Variants in WWC1 observed in about 807,000 individuals in gnomAD.
WWC1 encodes protein KIBRA.
In WWC1, 55 loss-of-function variants were observed where a neutral mutation model predicts 138.4. The observed-to-expected ratio is 0.40, with a 90% CI of 0.32 to 0.50. The LOEUF (loss-of-function observed/expected upper bound fraction) is 0.50. Ranked by LOEUF, WWC1 falls within the 20% of genes least tolerant of loss-of-function variation. The pLI, the probability that WWC1 is intolerant of heterozygous loss-of-function variation, is 0.72. For synonymous variants in WWC1, 524 were observed against 564.9 expected (o/e 0.93, Z 1.03); for missense variants, 1,226 against 1,420.4 (o/e 0.86, Z 2.20).
In WWC1 at chr5:168,428,736, A is replaced by T. The variant is rs147028251; in HGVS notation, c.1949A>T (p.Asp650Val). ...RLGASEAAAF[D>V]SDESEAVGAT... Reference sequence around the variant, plus strand: ...GGTGCTTCAGAAGCTGCTGCATTTGACAGTGACGAATCGGAAGCAGTGGGT... The same window carrying T: ...GGTGCTTCAGAAGCTGCTGCATTTGTCAGTGACGAATCGGAAGCAGTGGGT... Residue 650 changes from aspartate to valine, a missense_variant, in exon 13 of 23, where the codon GAC becomes GTC. Asp to Val is a radical substitution (Grantham distance 152). Coordinates refer to ENST00000265293, the MANE Select transcript of WWC1 (RefSeq NM_015238.3). 2.1e-4 allele frequency: 343 copies of T among 1,613,950 alleles called. No homozygotes were observed. The highest frequency in any genetic ancestry group is 4.3e-4 in the Admixed American group (26 of 60,002).
At chr5:168,345,609 T>C (rs890910805) in intron 1 of WWC1, among the ~76,000 whole-genome samples, 1 of 152,238 alleles carries the variant, frequency 6.6e-6, no homozygotes, top group Non-Finnish European at 1.5e-5. Flanking sequence ...TGCATTGCTT[T>C]GTCAGATGCT....
At chr5:168,368,168 G>A (rs1030820687) in intron 1 of WWC1, among the ~76,000 whole-genome samples, 1 of 143,478 alleles carries the variant, frequency 7.0e-6, no homozygotes, top group Admixed American at 7.5e-5. Context: ...TCGGCTCATC[G>A]CAACCTCCAC....
At chr5:168,327,773 T>C (rs188284594) in intron 1 of WWC1, among the ~76,000 whole-genome samples, 111 of 152,316 alleles carry the variant, frequency 7.3e-4, no homozygotes, top group Non-Finnish European at 1.2e-3. Flanking sequence ...TAGCATTAAG[T>C]TGGCTGCTGT....
intron 20 of WWC1, 34 bp from the exon 21 acceptor site, chr5:168,464,695 C>T (rs1757103821): frequency 6.2e-7 from 1 of 1,613,272 alleles, no homozygotes; most frequent in African/African-American, 1.3e-5. Flanking sequence ...GGGCAGAGCT[C>T]TAATAACAAG....
At chr5:168,380,957 T>C (rs1387468147) in intron 2 of WWC1, among the ~76,000 whole-genome samples, 2 of 151,164 alleles carry the variant, frequency 1.3e-5, no homozygotes, top group African/African-American at 4.9e-5. Flanking sequence ...GGAGAGGGGG[T>C]GAGTAGAGGA....
chr5:168,396,549 C>A (rs1561703473), intron 3 of WWC1, among the ~76,000 whole-genome samples: 1 of 152,238 alleles, frequency 6.6e-6, no homozygotes, highest in African/African-American at 2.4e-5. Flanking sequence ...TCTGGCCTCC[C>A]GACCAAGAAT....
At chr5:168,349,591 A>G (rs1291232532) in intron 1 of WWC1, among the ~76,000 whole-genome samples, 1 of 152,178 alleles carries the variant, frequency 6.6e-6, no homozygotes, top group Non-Finnish European at 1.5e-5. Context: ...AAGGGCACAC[A>G]GTCGGTAAGT....
At chr5:168,308,114 G>A (rs969846954) in intron 1 of WWC1, among the ~76,000 whole-genome samples, 1 of 152,184 alleles carries the variant, frequency 6.6e-6, no homozygotes, top group Non-Finnish European at 1.5e-5. Flanking sequence ...TAGAAGTCAA[G>A]TGGGTCTTCA....
At chr5:168,407,285 A>G (rs886671697) in intron 6 of WWC1, among the ~76,000 whole-genome samples, 1 of 152,088 alleles carries the variant, frequency 6.6e-6, no homozygotes, top group African/African-American at 2.4e-5. Flanking sequence ...ATCATGTCTC[A>G]TCTCTTAAAT....
Position 168,437,161 on chromosome 5 carries a change from A to G in WWC1, c.2281-4521A>G, listed in dbSNP as rs59580585. On this transcript the variant is annotated intron_variant, in intron 15 of 22. Coordinates refer to ENST00000265293, the MANE Select transcript of WWC1 (RefSeq NM_015238.3). The stretch of plus-strand genomic sequence containing the variant: ...ATTCTGTCCTCCCAGGTGCTCCCTC[A>G]CCTCCTTCTGGACTTTATTCAAATG... Among the ~76,000 whole-genome samples the G allele has an allele frequency of 4.9e-4, 74 of 151,518 alleles. 1 individual carries two copies. In the East Asian group the frequency reaches 0.012, roughly 25 times the overall value.
intron 1 of WWC1, among the ~76,000 whole-genome samples, chr5:168,338,350 T>C (rs552843876): frequency 4.7e-5 from 7 of 150,294 alleles, no homozygotes; most frequent in Non-Finnish European, 7.4e-5. Flanking sequence ...TAAATATAAA[T>C]GCAATGGGAG....
chr5:168,311,975 G>A (rs1581886953), intron 1 of WWC1, among the ~76,000 whole-genome samples: 2 of 152,148 alleles, frequency 1.3e-5, no homozygotes, highest in African/African-American at 4.8e-5. Flanking sequence ...CTTGAACCTG[G>A]GAGGCAGAGG....
At chr5:168,437,373 A>ACTAT (rs1223820199) in intron 15 of WWC1, among the ~76,000 whole-genome samples, 1 of 152,192 alleles carries the variant, frequency 6.6e-6, no homozygotes, top group Non-Finnish European at 1.5e-5. Flanking sequence ...ATCAAGATGC[A>ACTAT]CTATGTACTA....
chr5:168,362,387 A>G (rs1231659874), intron 1 of WWC1, among the ~76,000 whole-genome samples: 1 of 152,232 alleles, frequency 6.6e-6, no homozygotes, highest in Non-Finnish European at 1.5e-5. Flanking sequence ...GTCCAAGGTC[A>G]CACAGCTAGA....
At chr5:168,409,254 C>T (rs1484499997) in intron 7 of WWC1, among the ~76,000 whole-genome samples, 1 of 152,220 alleles carries the variant, frequency 6.6e-6, no homozygotes, top group African/African-American at 2.4e-5. Flanking sequence ...TGCCTTCCAG[C>T]CTCTGTGGCG....
At chr5:168,330,068 C>T (rs1212243424) in intron 1 of WWC1, among the ~76,000 whole-genome samples, 3 of 152,190 alleles carry the variant, frequency 2.0e-5, no homozygotes, top group African/African-American at 7.2e-5. Flanking sequence ...CGAGATCGCA[C>T]CACTGCACCC....
rs111873702 is a variant in WWC1, at chr5:168,343,576, C to T, written c.120-27848C>T. On this transcript the variant is annotated intron_variant, in intron 1 of 22. Coordinates refer to ENST00000265293, the MANE Select transcript of WWC1 (RefSeq NM_015238.3). ...TGGTGGCTCACGCCTGTAATCCCAA[C>T]ACTTTGGGAGGCCGAGGTGGGCGGA... Among the ~76,000 whole-genome samples the T allele has an allele frequency of 3.2e-3, 481 of 152,284 alleles. 5 individuals carry two copies. Among genetic ancestry groups the T allele is most frequent in the African/African-American group, 9.8e-3 (408 of 41,554 alleles).
At chr5:168,364,930 T>G (rs188619161) in intron 1 of WWC1, among the ~76,000 whole-genome samples, 14 of 152,332 alleles carry the variant, frequency 9.2e-5, no homozygotes, top group Non-Finnish European at 1.9e-4. Flanking sequence ...GTAGCTGGTG[T>G]TAACGAAGGC....
chr5:168,329,261 C>T (rs1772833163), intron 1 of WWC1, among the ~76,000 whole-genome samples: 1 of 152,204 alleles, frequency 6.6e-6, no homozygotes, highest in Non-Finnish European at 1.5e-5. Flanking sequence ...ATACACTGCC[C>T]TCAAGGCCCA....
Sources: gnomAD v4.1 joint callset for allele counts (sites outside exome capture counted in the v4.1 genomes callset) on GRCh38, gnomAD v4.1.1 for gene constraint, MANE v1.5 for transcripts, NCBI Gene and HGNC (gene_info 2026-07-23, HGNC 2026-07-21) for gene names.